The following STPG2 variants were observed in gnomAD, a reference collection of about 807,000 sequenced individuals.
STPG2 encodes the protein sperm tail PG-rich repeat containing 2.
STPG2 carries 56 observed loss-of-function variants against 54.2 expected under a neutral mutation model. That is an observed-to-expected ratio of 1.03 (90% CI 0.83 to 1.29). The LOEUF is 1.29. STPG2 is among the 50% of genes most tolerant of loss of function. The pLI is 0.00. For synonymous variants in STPG2, 200 were observed against 181.8 expected, an observed-to-expected ratio of 1.10 and a Z score of -0.81; for missense variants, 596 against 544.9, an observed-to-expected ratio of 1.09 and a Z score of -0.93.
Position 97,891,798 on chromosome 4 carries a change from T to A in STPG2, c.1045-50866A>T, listed in dbSNP as rs80115750. ...ATTACCTAAATCTCTAAAGGAAGAA[T>A]AAATTTAACTATAATACAGCAATAT... On this transcript the variant is annotated intron_variant, in intron 8 of 10. Coordinates refer to ENST00000295268, the MANE Select transcript of STPG2 (RefSeq NM_174952.3). 2.6e-4 allele frequency among the ~76,000 whole-genome samples: 39 copies of A among 152,226 alleles called. No individual in the cohort carries two copies. The East Asian group carries it at 7.3e-3, about 29-fold the overall frequency.
intron 10 of STPG2, among the ~76,000 whole-genome samples, chr4:97,619,991 T>A (rs1348115323): frequency 1.3e-5 from 2 of 151,826 alleles, no homozygotes; most frequent in African/African-American, 4.8e-5. Flanking sequence ...GCCTGGCTAA[T>A]TTTTTGTATT....
chr4:97,941,688 C>G (rs996381770), intron 8 of STPG2, among the ~76,000 whole-genome samples: 3 of 151,832 alleles, frequency 2.0e-5, no homozygotes, highest in African/African-American at 7.3e-5. Flanking sequence ...AGTAAAATAC[C>G]TGGGAGGTAA....
intron 5 of STPG2, chr4:98,026,016 T>G (rs747493227): frequency 1.9e-6 from 2 of 1,040,944 alleles, no homozygotes; most frequent in East Asian, 2.4e-5. Flanking sequence ...GCAGATTACA[T>G]GTAAGATGAA....
chr4:97,867,931 G>A (rs1009301109), intron 8 of STPG2, among the ~76,000 whole-genome samples: 4 of 151,974 alleles, frequency 2.6e-5, no homozygotes, highest in African/African-American at 9.7e-5. Flanking sequence ...GCAATGCAGT[G>A]TCTGTTTGTT....
At position 98,143,182 on chromosome 4, in the gene STPG2, G is replaced by A. The variant is rs1560698872; in HGVS notation, c.-32C>T. 3.2e-6 allele frequency: 5 copies of A among 1,556,586 alleles called. No homozygotes were observed. Among genetic ancestry groups the A allele is most frequent in the Non-Finnish European group, 4.4e-6 (5 of 1,132,662 alleles). ...CGGGGTGGTGGGGGCGCTGGGGAAG[G>A]GCAGGTGCCGAAAACGATAAAAACA... On this transcript the variant is annotated 5_prime_UTR_variant, in exon 1 of 11. Coordinates refer to ENST00000295268, the MANE Select transcript of STPG2 (RefSeq NM_174952.3).
intron 5 of STPG2, among the ~76,000 whole-genome samples, chr4:98,036,918 T>C (rs1312641938): frequency 1.3e-5 from 2 of 152,084 alleles, no homozygotes; most frequent in Non-Finnish European, 2.9e-5. Flanking sequence ...ATTGTATGCT[T>C]TAAGCCACAA....
At chr4:97,812,897 A>G (rs1727786133) in intron 9 of STPG2, among the ~76,000 whole-genome samples, 2 of 152,172 alleles carry the variant, frequency 1.3e-5, no homozygotes, top group South Asian at 2.1e-4. Flanking sequence ...CCAAAACAGA[A>G]TATCTTTCTC....
chr4:97,792,468 C>G (rs925604335), intron 9 of STPG2, among the ~76,000 whole-genome samples: 5 of 152,170 alleles, frequency 3.3e-5, no homozygotes, highest in African/African-American at 1.2e-4. Flanking sequence ...TCACTGCCAG[C>G]ACTCTACTTG....
chr4:97,912,026 C>T (rs1463465748), intron 8 of STPG2, among the ~76,000 whole-genome samples: 4 of 152,112 alleles, frequency 2.6e-5, no homozygotes, highest in Admixed American at 2.6e-4. Flanking sequence ...ACTGGTGATA[C>T]CGTCAGGTGT....
chr4:97,447,745 G>C (rs1458737287), intron 4 of STPG2, among the ~76,000 whole-genome samples: 1 of 152,240 alleles, frequency 6.6e-6, no homozygotes, highest in Non-Finnish European at 1.5e-5. Context: ...CCAGGCAGAA[G>C]TCTTTCGCAG....
chr4:97,599,637 C>T (rs546369748), intron 10 of STPG2, among the ~76,000 whole-genome samples: 1 of 152,052 alleles, frequency 6.6e-6, no homozygotes, highest in South Asian at 2.1e-4. Flanking sequence ...TCCTGGGTAA[C>T]ACGGTGAAAC....
At chr4:98,107,600 A>G (rs1252802515) in intron 4 of STPG2, among the ~76,000 whole-genome samples, 1 of 152,088 alleles carries the variant, frequency 6.6e-6, no homozygotes, top group Non-Finnish European at 1.5e-5. Context: ...AGGAAAAACC[A>G]CCAAGCAGAA....
intron 8 of STPG2, among the ~76,000 whole-genome samples, chr4:97,925,788 G>A (rs1041499190): frequency 6.6e-6 from 1 of 152,110 alleles, no homozygotes; most frequent in Non-Finnish European, 1.5e-5. Context: ...AGGCCCAGGG[G>A]ATCTTTATTT....
At chr4:97,991,534 T>A (rs892377482) in intron 5 of STPG2, among the ~76,000 whole-genome samples, 4 of 151,810 alleles carry the variant, frequency 2.6e-5, no homozygotes, top group African/African-American at 9.7e-5. Flanking sequence ...TTCCATACTT[T>A]TGCAATTGCA....
At position 98,023,508 on chromosome 4, in the gene STPG2, C is replaced by T. The variant is rs186290443; in HGVS notation, c.613-42190G>A. 5.9e-3 allele frequency among the ~76,000 whole-genome samples: 897 copies of T among 152,288 alleles called. 6 individuals are homozygous for T. Among genetic ancestry groups the T allele is most frequent in the Middle Eastern group, 0.02 (6 of 294 alleles). On this transcript the variant is annotated intron_variant, in intron 5 of 10. Coordinates refer to ENST00000295268, the MANE Select transcript of STPG2 (RefSeq NM_174952.3). ...GAACCACTTGAGGAGACAGTCTGCC[C>T]GTTCTCAGATCTCCAGCTGCGTGCT...
intron 4 of STPG2, among the ~76,000 whole-genome samples, chr4:97,464,114 AG>A (rs1729733377): frequency 6.6e-6 from 1 of 152,180 alleles, no homozygotes; most frequent in African/African-American, 2.4e-5. Flanking sequence ...TTTTCTAATC[AG>A]TTGGGTAAAC....
At position 97,876,984 on chromosome 4, in the gene STPG2, T is replaced by C. The variant is rs183647896; in HGVS notation, c.1045-36052A>G. On this transcript the variant is annotated intron_variant, in intron 8 of 10. Transcript: ENST00000295268. The stretch of plus-strand genomic sequence containing the variant: ...TATTTTAGTTGACAAATAATAATTA[T>C]GTATATTTATGGGGTACAATGTGAT... Among the ~76,000 whole-genome samples, 371 of 152,278 alleles carry C rather than the reference T, an allele frequency of 2.4e-3. 1 individual carries two copies. The highest frequency in any genetic ancestry group is 4.5e-3 in the Non-Finnish European group (304 of 68,002).
chr4:97,902,008 T>C (rs977182507), intron 8 of STPG2, among the ~76,000 whole-genome samples: 1 of 151,988 alleles, frequency 6.6e-6, no homozygotes, highest in Admixed American at 6.6e-5. Flanking sequence ...CCCACACATA[T>C]ACTATCAACA....
intron 8 of STPG2, among the ~76,000 whole-genome samples, chr4:97,909,389 G>A (rs1361367099): frequency 6.6e-6 from 1 of 152,098 alleles, no homozygotes; most frequent in African/African-American, 2.4e-5. Context: ...GGTTACACCA[G>A]TAAATTCAAC....
Sources: gnomAD v4.1 joint callset for allele counts (sites outside exome capture counted in the v4.1 genomes callset) on GRCh38, gnomAD v4.1.1 for gene constraint, MANE v1.5 for transcripts, NCBI Gene and HGNC (gene_info 2026-07-23, HGNC 2026-07-21) for gene names.